Variants in JAKMIP2 observed in about 807,000 individuals in gnomAD.
The protein encoded by JAKMIP2 is janus kinase and microtubule-interacting protein 2.
JAKMIP2 carries 25 observed loss-of-function variants against 115.0 expected under a neutral mutation model. That is an observed-to-expected ratio of 0.22 (90% CI 0.16 to 0.30). The LOEUF is 0.30. Among genes scored for constraint, JAKMIP2 ranks in the 10% least tolerant of loss-of-function variants. The probability of loss-of-function intolerance (pLI) is 1.00; values close to 1 mark genes in which losing one functional copy is unlikely to be tolerated. For synonymous variants in JAKMIP2, 334 were observed against 343.6 expected (o/e 0.97, Z 0.31); for missense variants, 642 against 957.6 (o/e 0.67, Z 4.35).
intron 1 of JAKMIP2, among the ~76,000 whole-genome samples, chr5:147,721,164 G>T (rs1277101305): frequency 6.6e-6 from 1 of 151,584 alleles, no homozygotes; most frequent in Non-Finnish European, 1.5e-5. Flanking sequence ...GCTGCTCGGG[G>T]GTCAGGAGTC....
chr5:147,731,552 A>T (rs931150298), intron 1 of JAKMIP2, among the ~76,000 whole-genome samples: 1 of 152,190 alleles, frequency 6.6e-6, no homozygotes, highest in Non-Finnish European at 1.5e-5. Flanking sequence ...TCTTAAATTA[A>T]TGGTCATGTT....
chr5:147,742,155 A>ATATATATATATATATATATATTT lies in JAKMIP2; in HGVS notation c.-149+40300_-149+40301insAAATATATATATATATATATATA. Among the ~76,000 whole-genome samples, 77 of 108,846 alleles carry ATATATATATATATATATATATTT rather than the reference A, an allele frequency of 7.1e-4. 2 individuals carry two copies. The highest frequency in any genetic ancestry group is 6.5e-4 in the East Asian group (2 of 3,060). The allele number at this position is 108,846 out of a possible 152,430, so 71.4% of individuals were successfully genotyped here. On this transcript the variant is annotated intron_variant, in intron 1 of 21. Coordinates refer to ENST00000616793, the MANE Select transcript of JAKMIP2 (RefSeq NM_001270941.2). Reference sequence around the variant, plus strand: ...TGTGGATCATTATATATATATATATATTTTTTTTACTATTGTATTGTATCT... The same window carrying ATATATATATATATATATATATTT: ...TGTGGATCATTATATATATATATATATATATATATATATATATATATTTTTTTTTTTACTATTGTATTGTATCT...
chr5:147,736,050 T>C (rs1432769404), intron 1 of JAKMIP2, among the ~76,000 whole-genome samples: 2 of 152,190 alleles, frequency 1.3e-5, no homozygotes, highest in Non-Finnish European at 2.9e-5. Context: ...TCAACACTCT[T>C]TCCTACCCTT....
intron 4 of JAKMIP2, 65 bp from the exon 5 acceptor site, chr5:147,648,539 C>A: frequency 1.1e-6 from 1 of 874,026 alleles, no homozygotes; most frequent in Admixed American, 1.8e-5. Context: ...GGGAATATCA[C>A]TTATTATTCA....
chr5:147,585,844 T>C lies in JAKMIP2; in HGVS notation c.*5863A>G, dbSNP rs1754845268. ...GCTCTATACTTGAGTCCCCAAAGTATTGGATCTTGAAGGCTAAAACATGCA... is the reference window on the plus strand; with the variant it reads ...GCTCTATACTTGAGTCCCCAAAGTACTGGATCTTGAAGGCTAAAACATGCA... On this transcript the variant is annotated 3_prime_UTR_variant, in exon 22 of 22. Coordinates refer to ENST00000616793, the MANE Select transcript of JAKMIP2 (RefSeq NM_001270941.2). The C allele has an allele frequency of 6.6e-6, 1 of 152,096 alleles. No homozygotes were observed. The highest frequency in any genetic ancestry group is 1.5e-5 in the Non-Finnish European group (1 of 68,016). The allele number at this position is 152,096 out of a possible 1,614,324, so 9.4% of individuals were successfully genotyped here.
intron 1 of JAKMIP2, among the ~76,000 whole-genome samples, chr5:147,696,998 T>C (rs544959110): frequency 7.9e-5 from 12 of 152,214 alleles, no homozygotes; most frequent in African/African-American, 2.9e-4. Context: ...TTTGGAAAAT[T>C]TGCAGGCTGA....
chr5:147,724,359 C>A (rs1753431923), intron 1 of JAKMIP2, among the ~76,000 whole-genome samples: 2 of 152,134 alleles, frequency 1.3e-5, no homozygotes, highest in Admixed American at 1.3e-4. Context: ...TTGATCCCAC[C>A]TGCAGCTTGA....
intron 1 of JAKMIP2, among the ~76,000 whole-genome samples, chr5:147,776,936 T>C (rs1305117337): frequency 6.6e-6 from 1 of 151,966 alleles, no homozygotes. Context: ...TCAAAAATCA[T>C]AATAATAATA....
intron 1 of JAKMIP2, among the ~76,000 whole-genome samples, chr5:147,727,343 T>G (rs181348476): frequency 6.6e-6 from 1 of 152,150 alleles, no homozygotes; most frequent in Non-Finnish European, 1.5e-5. Flanking sequence ...ATTTGTCTGG[T>G]TTTACACTGA....
At position 147,641,770 on chromosome 5, in the gene JAKMIP2, A is replaced by G. The variant is rs779593963; in HGVS notation, c.1225-6T>C. On this transcript the variant is annotated splice_polypyrimidine_tract_variant and splice_region_variant and intron_variant, in intron 7 of 21. Coordinates refer to ENST00000616793, the MANE Select transcript of JAKMIP2 (RefSeq NM_001270941.2). ...CGGATGAGCTTTTCTCGGTCCTGGA[A>G]AACAGATGAAAGATTTTCAGATCCA... 2.5e-6 allele frequency: 4 copies of G among 1,611,666 alleles called. No homozygotes were observed. In the South Asian group the frequency reaches 4.4e-5, roughly 18 times the overall value.
intron 1 of JAKMIP2, among the ~76,000 whole-genome samples, chr5:147,675,396 C>T (rs1759883983): frequency 6.6e-6 from 1 of 152,020 alleles, no homozygotes; most frequent in Admixed American, 6.6e-5. Context: ...AACTCTTCTC[C>T]AGTTGTAATG....
At chr5:147,701,097 G>A (rs577818334) in intron 1 of JAKMIP2, among the ~76,000 whole-genome samples, 92 of 152,092 alleles carry the variant, frequency 6.0e-4, no homozygotes, top group Non-Finnish European at 1.1e-3. Context: ...AAAATATGCT[G>A]AAGACCAATG....
intron 1 of JAKMIP2, among the ~76,000 whole-genome samples, chr5:147,762,283 A>AT (rs1011068209): frequency 3.3e-5 from 5 of 151,972 alleles, no homozygotes; most frequent in African/African-American, 9.7e-5. Flanking sequence ...GCAAACCCTT[A>AT]TTTTTTTATA....
At chr5:147,750,110 CT>C (rs1235968696) in intron 1 of JAKMIP2, among the ~76,000 whole-genome samples, 1 of 152,164 alleles carries the variant, frequency 6.6e-6, no homozygotes, top group African/African-American at 2.4e-5. Context: ...TACAGAATAG[CT>C]CCTTATCATC....
chr5:147,615,969 T>C (rs932419667), intron 19 of JAKMIP2, among the ~76,000 whole-genome samples: 2 of 152,058 alleles, frequency 1.3e-5, no homozygotes, highest in African/African-American at 4.8e-5. Context: ...CAAAAACATT[T>C]CAGGGGAAAT....
chr5:147,612,126 ATGGCAGACGCTTTGC>A, intron 20 of JAKMIP2, 165 bp downstream of exon 20: 1 of 735,890 alleles, frequency 1.4e-6, no homozygotes. Context: ...TGGGTTACTG[ATGGCAGACGCTTTGC>A]TGGCATTCTG....
At chr5:147,672,036 A>G in intron 1 of JAKMIP2, 82 bp from the exon 2 acceptor site, 1 of 1,022,540 alleles carries the variant, frequency 9.8e-7, no homozygotes, top group Non-Finnish European at 1.2e-6. Context: ...AGCCTGAGTT[A>G]CCTGTAAGAG....
chr5:147,771,661 A>G (rs1246876111), intron 1 of JAKMIP2, among the ~76,000 whole-genome samples: 1 of 152,068 alleles, frequency 6.6e-6, no homozygotes, highest in African/African-American at 2.4e-5. Flanking sequence ...CATTAGTTAC[A>G]AGCCACAGAG....
chr5:147,775,937 T>G (rs191968662), intron 1 of JAKMIP2, among the ~76,000 whole-genome samples: 3 of 152,284 alleles, frequency 2.0e-5, no homozygotes, highest in Admixed American at 2.0e-4. Context: ...TAAATAGCTC[T>G]GTAATTACAA....
Sources: allele counts gnomAD v4.1 joint callset (sites outside exome capture counted in the v4.1 genomes callset), GRCh38; gene constraint gnomAD v4.1.1; transcripts MANE v1.5; gene names NCBI Gene and HGNC (gene_info 2026-07-23, HGNC 2026-07-21).